BTG3: variants seen among roughly 807,000 people sequenced by gnomAD.
BTG3 encodes BTG anti-proliferation factor 3.
Under a neutral mutation model 25.8 loss-of-function variants are expected in BTG3, and 4 were observed. That is an observed-to-expected ratio of 0.16 (90% confidence interval 0.08 to 0.36). BTG3 has a LOEUF of 0.36. Among genes scored for constraint, BTG3 ranks in the 10% least tolerant of loss-of-function variants. The probability of loss-of-function intolerance (pLI) is 1.00; values close to 1 mark genes in which losing one functional copy is unlikely to be tolerated. For synonymous variants in BTG3, 107 were observed against 99.9 expected, an observed-to-expected ratio of 1.07 and a Z score of -0.42; for missense variants, 201 against 304.9, an observed-to-expected ratio of 0.66 and a Z score of 2.54.
intron 3 of BTG3, among the ~76,000 whole-genome samples, chr21:17,600,095 A>AT (rs1284653109): frequency 1.3e-5 from 2 of 151,976 alleles, no homozygotes; most frequent in Non-Finnish European, 2.9e-5. Flanking sequence ...AAGATTTTTG[A>AT]TTTTTTTTAA....
Position 17,612,847 on chromosome 21 carries a change from G to C in BTG3, c.-157C>G, listed in dbSNP as rs968050543. 1.3e-5 allele frequency: 2 copies of C among 152,128 alleles called. No individual in the cohort carries two copies. Among genetic ancestry groups the C allele is most frequent in the African/African-American group, 4.8e-5 (2 of 41,438 alleles). The allele number at this position is 152,128 out of a possible 1,614,324, so 9.4% of individuals were successfully genotyped here. On this transcript the variant is annotated 5_prime_UTR_variant, in exon 1 of 5. Transcript: ENST00000348354. ...CGGCGCGTGCGGCTCCCGCGTCGTC[G>C]GGCGGCCAAGCGCGCGTTGAGAGGA...
chr21:17,598,927 A>AAG (rs1270720726), intron 3 of BTG3, 103 bp from the exon 4 acceptor site: 2 of 869,964 alleles, frequency 2.3e-6, no homozygotes, highest in Admixed American at 5.5e-5. Context: ...ATACAAGGCA[A>AAG]AGATTGAATC....
At chr21:17,610,843 C>T (rs550934180) in intron 1 of BTG3, among the ~76,000 whole-genome samples, 1 of 152,370 alleles carries the variant, frequency 6.6e-6, no homozygotes, top group Admixed American at 6.5e-5. Flanking sequence ...TTTTCTCAAA[C>T]TGCTCTTTCA....
rs1341432491 is a variant in BTG3 at position 17,608,730 on chromosome 21, C to CA, written c.173+241dup. ...ACTGTTAGGAGCCAGGCTATAACCA[C>CA]AAAAGACTAACTCCTTTGACCCCAT... On this transcript the variant is annotated intron_variant, in intron 2 of 4. Coordinates refer to ENST00000348354, the MANE Select transcript of BTG3 (RefSeq NM_006806.5). 16 of 391,508 alleles carry CA rather than the reference C, an allele frequency of 4.1e-5. No individual in the cohort carries two copies. In the East Asian group the frequency reaches 6.0e-4, roughly 15 times the overall value. 24.3% of individuals were successfully genotyped at this position (391,508 alleles called of 1,614,324 possible).
At chr21:17,609,279 G>GC in intron 1 of BTG3, 127 bp from the exon 2 acceptor site, 1 of 900,052 alleles carries the variant, frequency 1.1e-6, no homozygotes, top group Non-Finnish European at 1.6e-6. Flanking sequence ...TATTTCTTTG[G>GC]CTTATATCTG....
intron 3 of BTG3, among the ~76,000 whole-genome samples, chr21:17,602,603 A>G (rs1258393268): frequency 1.3e-5 from 2 of 152,106 alleles, no homozygotes; most frequent in Non-Finnish European, 2.9e-5. Flanking sequence ...AACACCTGAC[A>G]CTCGCAGGTG....
chr21:17,601,394 T>C (rs2061572695), intron 3 of BTG3, among the ~76,000 whole-genome samples: 1 of 152,116 alleles, frequency 6.6e-6, no homozygotes. Flanking sequence ...CATGGTAGCT[T>C]ACATCTATAA....
intron 1 of BTG3, chr21:17,612,496 C>A (rs2061746075): frequency 6.6e-6 from 1 of 152,166 alleles, no homozygotes; most frequent in South Asian, 2.1e-4. Context: ...CGGAAAGCCT[C>A]GCGGGCCGCC....
intron 3 of BTG3, among the ~76,000 whole-genome samples, chr21:17,600,337 GTAATT>G (rs374240626): frequency 1.3e-5 from 2 of 152,120 alleles, no homozygotes; most frequent in African/African-American, 2.4e-5. Context: ...AGTTAGAAAT[GTAATT>G]AAAGTGATTC....
intron 1 of BTG3, among the ~76,000 whole-genome samples, chr21:17,610,256 G>T (rs1394597596): frequency 6.6e-6 from 1 of 152,184 alleles, no homozygotes; most frequent in Non-Finnish European, 1.5e-5. Flanking sequence ...CTATAGTAAT[G>T]GTTGTACAAC....
chr21:17,607,088 T>A (rs954694986), intron 2 of BTG3, among the ~76,000 whole-genome samples: 2 of 152,218 alleles, frequency 1.3e-5, no homozygotes, highest in Non-Finnish European at 2.9e-5. Context: ...TTTATAATAG[T>A]AACAACCCAC....
chr21:17,605,299 C>A (rs1358599726), intron 2 of BTG3, among the ~76,000 whole-genome samples: 5 of 152,020 alleles, frequency 3.3e-5, no homozygotes, highest in African/African-American at 9.7e-5. Context: ...GAAAGTTGCA[C>A]GAAATTTTAG....
chr21:17,610,543 A>G (rs1007962795), intron 1 of BTG3, among the ~76,000 whole-genome samples: 48 of 152,226 alleles, frequency 3.2e-4, no homozygotes, highest in Non-Finnish European at 4.8e-4. Context: ...GATTGCCTCA[A>G]AGGACTTTAA....
intron 3 of BTG3, 75 bp from the exon 4 acceptor site, chr21:17,598,899 G>C (rs547612796): frequency 1.7e-5 from 20 of 1,153,684 alleles, no homozygotes; most frequent in Non-Finnish European, 2.4e-5. Flanking sequence ...AAAACAAAGA[G>C]ATCTGGACAT....
At chr21:17,603,717 T>A (rs2061602095) in intron 3 of BTG3, among the ~76,000 whole-genome samples, 2 of 152,198 alleles carry the variant, frequency 1.3e-5, no homozygotes, top group South Asian at 4.1e-4. Context: ...TCTGTTCATC[T>A]TCTTCCTGCT....
chr21:17,608,090 G>A (rs2061668682), intron 2 of BTG3, among the ~76,000 whole-genome samples: 1 of 152,194 alleles, frequency 6.6e-6, no homozygotes, highest in South Asian at 2.1e-4. Context: ...ACCTTGGCCA[G>A]GCATGGTGGC....
chr21:17,605,015 T>TA lies in BTG3; in HGVS notation c.174-19dup, dbSNP rs769510049. ...GAATACATCTACAACAAAGTGGAGT[T>TA]ACGTTAATGGATTTAAATGAATTTA... is the stretch of plus-strand genomic sequence containing the variant. On this transcript the variant is annotated intron_variant, in intron 2 of 4. Transcript: ENST00000348354. 5.6e-6 allele frequency: 9 copies of TA among 1,611,176 alleles called. No individual in the cohort carries two copies. In the Admixed American group the frequency reaches 8.4e-5, roughly 15 times the overall value.
chr21:17,611,159 C>T (rs556915611), intron 1 of BTG3, among the ~76,000 whole-genome samples: 375 of 152,300 alleles, frequency 2.5e-3, no homozygotes, highest in African/African-American at 8.4e-3. Context: ...TGTAAAGCTA[C>T]GTTTATATTC....
Position 17,604,380 on chromosome 21 carries a change from G to A in BTG3, c.311+480C>T, listed in dbSNP as rs773903555. ...GAATCACTTGAACCCGGCAGGCAGA[G>A]GTTGCAGACAGCCAAGAATGCACCA... On this transcript the variant is annotated intron_variant, in intron 3 of 4. Transcript: ENST00000348354. 2.9e-4 allele frequency: 58 copies of A among 197,588 alleles called. 1 individual carries two copies. The highest frequency in any genetic ancestry group is 1.9e-3 in the Admixed American group (34 of 17,572). 12.2% of individuals were successfully genotyped at this position (197,588 alleles called of 1,614,324 possible).
Sources: allele counts gnomAD v4.1 joint callset (sites outside exome capture counted in the v4.1 genomes callset), GRCh38; gene constraint gnomAD v4.1.1; transcripts MANE v1.5; gene names NCBI Gene and HGNC (gene_info 2026-07-23, HGNC 2026-07-21).